DIS3L: variants seen among roughly 807,000 people sequenced by gnomAD.
DIS3L encodes the protein DIS3 like exosome 3'-5' exoribonuclease, also known as DIS3-like exonuclease 1.
DIS3L carries 100 observed loss-of-function variants against 120.3 expected under a neutral mutation model. The ratio of observed to expected loss-of-function variants is 0.83; its 90% CI spans 0.71 to 0.98. The LOEUF (loss-of-function observed/expected upper bound fraction) is 0.98, where lower values mean the gene tolerates loss of function less well. Ranked by LOEUF, DIS3L falls within the 50% of genes least tolerant of loss-of-function variation. The pLI is 0.00. For missense variants in DIS3L, 1,196 were observed against 1,314.2 expected, an observed-to-expected ratio of 0.91 and a Z score of 1.39; for synonymous variants, 426 against 470.6, an observed-to-expected ratio of 0.91 and a Z score of 1.23.
At chr15:66,323,023 T>C (rs1595753187) in intron 10 of DIS3L, 89 bp downstream of exon 10, 5 of 1,512,610 alleles carry the variant, frequency 3.3e-6, no homozygotes, top group South Asian at 2.6e-5. Context: ...AAAGATCTCA[T>C]GTTTGTGCAA....
intron 12 of DIS3L, among the ~76,000 whole-genome samples, chr15:66,328,646 TTTAAGG>T (rs2092963665): frequency 6.6e-6 from 1 of 152,248 alleles, no homozygotes; most frequent in Non-Finnish European, 1.5e-5. Flanking sequence ...ATATAGAATG[TTTAAGG>T]TTAAGGATGT....
rs924627006 is a variant in DIS3L at position 66,295,147 on chromosome 15, C to T, written c.293+6C>T. ...CAGCATCAAAGAGGCAGGAGGTATA[C>T]GTTTTGCATTCTTTATTTCTATATG... On this transcript the variant is annotated splice_donor_region_variant and intron_variant, in intron 2 of 16. Transcript: ENST00000319212. The T allele has an allele frequency of 6.2e-6, 10 of 1,612,236 alleles. No individual in the cohort carries two copies. Among genetic ancestry groups the T allele is most frequent in the Non-Finnish European group, 7.6e-6 (9 of 1,179,140 alleles).
At chr15:66,321,692 G>A in intron 9 of DIS3L, among the ~76,000 whole-genome samples, 1 of 84,782 alleles carries the variant, frequency 1.2e-5, no homozygotes, top group Non-Finnish European at 3.1e-5. Context: ...CTTGAACCAG[G>A]GAGGCGGAGG....
chr15:66,308,667 T>G, intron 3 of DIS3L, 42 bp from the exon 4 acceptor site: 1 of 1,581,310 alleles, frequency 6.3e-7, no homozygotes, highest in Non-Finnish European at 8.6e-7. Flanking sequence ...GAGCTTGTGT[T>G]TGTCTGCCTG....
At chr15:66,293,479 G>A (rs1034881630), upstream of DIS3L, 13 of 1,231,454 alleles carry the variant, frequency 1.1e-5, no homozygotes, top group Non-Finnish European at 1.2e-5. Flanking sequence ...GCCTCCCCCG[G>A]GCGCGGCAGT....
intron 4 of DIS3L, 34 bp downstream of exon 4, chr15:66,308,878 A>T (rs781162665): frequency 7.5e-6 from 12 of 1,592,212 alleles, no homozygotes; most frequent in Non-Finnish European, 1.0e-5. Flanking sequence ...ATGAGTGCTC[A>T]TTTTCTAAGT....
At chr15:66,314,176 TGAA>T in intron 6 of DIS3L, 59 bp downstream of exon 6, 1 of 1,320,444 alleles carries the variant, frequency 7.6e-7, no homozygotes, top group South Asian at 1.8e-5. Flanking sequence ...CGTTATACAA[TGAA>T]GAAAGCAAAG....
intron 9 of DIS3L, 84 bp from the exon 10 acceptor site, chr15:66,322,603 G>A: frequency 6.4e-7 from 1 of 1,551,208 alleles, no homozygotes; most frequent in Non-Finnish European, 8.7e-7. Context: ...GAATTTCTAT[G>A]TGGTCATACT....
chr15:66,295,079 G>C lies in DIS3L; in HGVS notation c.231G>C (p.Glu77Asp). 5 of 1,614,152 alleles carry C rather than the reference G, an allele frequency of 3.1e-6. No individual in the cohort carries two copies. Among genetic ancestry groups the C allele is most frequent in the Non-Finnish European group, 4.2e-6 (5 of 1,180,022 alleles). ...QDYLEILEFP[E>D]LKGIIFMQTA... ...ATCTTGAGATCCTTGAGTTTCCTGA[G>C]TTGAAGGGAATTATTTTCATGCAGA... Residue 77 changes from glutamate (E) to aspartate (D), a missense_variant, in exon 2 of 17, where the codon GAG becomes GAC. Coordinates refer to ENST00000319212, the MANE Select transcript of DIS3L (RefSeq NM_001143688.3).
intron 1 of DIS3L, among the ~76,000 whole-genome samples, chr15:66,294,751 G>A (rs188797368): frequency 1.3e-5 from 2 of 152,158 alleles, no homozygotes; most frequent in African/African-American, 2.4e-5. Flanking sequence ...CATCCTCTCC[G>A]GCACCTCTGG....
chr15:66,329,454 A>G lies in DIS3L; in HGVS notation c.2535+55A>G, dbSNP rs2092975991. ...TGTCATCTCTTGCTAAGAAAATATC[A>G]GCTTTATTGTGTAGTACCGTGAAGT... On this transcript the variant is annotated intron_variant, in intron 14 of 16. Transcript: ENST00000319212. The G allele has an allele frequency of 2.6e-6, 4 of 1,553,214 alleles. No individual in the cohort carries two copies. The African/African-American group carries it at 5.5e-5, about 21-fold the overall frequency.
chr15:66,314,222 G>A, intron 6 of DIS3L, 105 bp downstream of exon 6: 1 of 883,238 alleles, frequency 1.1e-6, no homozygotes, highest in Non-Finnish European at 1.6e-6. Context: ...GCCCTGTTAT[G>A]TATGCCTACA....
intron 7 of DIS3L, among the ~76,000 whole-genome samples, chr15:66,317,841 TAAAA>T (rs35644337): frequency 3.1e-5 from 4 of 130,266 alleles, no homozygotes; most frequent in African/African-American, 1.1e-4. Context: ...TCCTGTTTCT[TAAAA>T]AAAAAAAAAA....
chr15:66,332,282 C>A (rs1392428938), intron 15 of DIS3L, among the ~76,000 whole-genome samples: 1 of 151,990 alleles, frequency 6.6e-6, no homozygotes, highest in Non-Finnish European at 1.5e-5. Context: ...CATGGTGAAA[C>A]CCCGTCTCTA....
intron 2 of DIS3L, among the ~76,000 whole-genome samples, chr15:66,304,994 ATTTCT>A (rs2092688705): frequency 7.2e-6 from 1 of 138,788 alleles, no homozygotes; most frequent in Admixed American, 7.3e-5. Context: ...AATAAAATCG[ATTTCT>A]TTTTTTTTTT....
At chr15:66,332,483 G>GGGGTGTGT (rs2093009385) in intron 15 of DIS3L, among the ~76,000 whole-genome samples, 1 of 52,550 alleles carries the variant, frequency 1.9e-5, no homozygotes, top group Non-Finnish European at 4.9e-5. Flanking sequence ...AGTGAAGACT[G>GGGGTGTGT]GAGTGTGTGT....
chr15:66,294,253 C>G lies in DIS3L; in HGVS notation c.139+518C>G, dbSNP rs909423695. 3.5e-5 allele frequency: 34 copies of G among 985,360 alleles called. No individual in the cohort carries two copies. In the Admixed American group the frequency reaches 1.6e-3, roughly 46 times the overall value. 61.0% of individuals were successfully genotyped at this position (985,360 alleles called of 1,614,324 possible). A position where few individuals can be genotyped will look rare whatever the true frequency, so the allele number is the denominator to read the frequency against. On this transcript the variant is annotated intron_variant, in intron 1 of 16. Transcript: ENST00000319212. Reference sequence around the variant, plus strand: ...ACTTCACCGTAGATTTGTGAACTCTCTGGGCCCGCACTGGAGCGGAAGGTC... The same window carrying G: ...ACTTCACCGTAGATTTGTGAACTCTGTGGGCCCGCACTGGAGCGGAAGGTC...
chr15:66,328,971 T>A lies in DIS3L; in HGVS notation c.2203T>A (p.Ser735Thr). The A allele has an allele frequency of 6.2e-6, 10 of 1,610,664 alleles. No individual in the cohort carries two copies. The highest frequency in any genetic ancestry group is 7.6e-6 in the Non-Finnish European group (9 of 1,179,150). ...KAKGFFIDTR[S>T]NKTLADSLDN... ...AACGGTTTTTCTGTTCTTTGTCAGG[T>A]CCAATAAAACACTGGCTGATTCTCT... The change falls in exon 13 of 17, where the codon TCC (serine) becomes ACC (threonine). Residue 735 changes from serine (S) to threonine (T), a missense_variant and splice_region_variant. Transcript: ENST00000319212.
intron 9 of DIS3L, among the ~76,000 whole-genome samples, chr15:66,321,393 C>T (rs1168316789): frequency 3.3e-5 from 5 of 152,068 alleles, no homozygotes; most frequent in African/African-American, 7.2e-5. Flanking sequence ...TGGTAAATTA[C>T]GGTATATTGA....
Sources: gnomAD v4.1 joint callset for allele counts (sites outside exome capture counted in the v4.1 genomes callset) on GRCh38, gnomAD v4.1.1 for gene constraint, MANE v1.5 for transcripts, NCBI Gene and HGNC (gene_info 2026-07-23, HGNC 2026-07-21) for gene names.